TMPRSS9: variants seen among roughly 807,000 people sequenced by gnomAD.
TMPRSS9 encodes transmembrane serine protease 9.
Under a neutral mutation model 111.4 loss-of-function variants are expected in TMPRSS9, and 113 were observed. The observed-to-expected ratio is 1.01, with a 90% confidence interval of 0.87 to 1.19. The LOEUF (loss-of-function observed/expected upper bound fraction) is 1.19, where lower values mean the gene tolerates loss of function less well. Ranked by LOEUF, TMPRSS9 falls within the 50% of genes most tolerant of loss-of-function variation. TMPRSS9 has a pLI of 0.00. For synonymous variants in TMPRSS9, 805 were observed against 659.1 expected (o/e 1.22, Z -3.39); for missense variants, 1,803 against 1,513.1 (o/e 1.19, Z -3.18).
intron 4 of TMPRSS9, among the ~76,000 whole-genome samples, chr19:2,401,071 G>T (rs544205677): frequency 6.7e-6 from 1 of 150,130 alleles, no homozygotes; most frequent in East Asian, 2.0e-4. Context: ...TCAGGAGATC[G>T]AGACCATCCT....
intron 9 of TMPRSS9, 113 bp downstream of exon 10, chr19:2,410,507 A>C: frequency 7.1e-7 from 1 of 1,409,578 alleles, no homozygotes; most frequent in Non-Finnish European, 9.5e-7. Flanking sequence ...CCAACGCCCC[A>C]GACCCCAGAA....
At chr19:2,370,691 T>C (rs1424758980) in intron 1 of TMPRSS9, among the ~76,000 whole-genome samples, 1 of 151,842 alleles carries the variant, frequency 6.6e-6, no homozygotes, top group African/African-American at 2.4e-5. Flanking sequence ...CCAGGATGAA[T>C]CCAGCCTTCA....
At chr19:2,408,630 C>G in exon 8 of TMPRSS9, 2 of 1,607,706 alleles carry the variant, frequency 1.2e-6, no homozygotes, top group Non-Finnish European at 1.7e-6. Context: ...GGAGGACTTC[C>G]GTAAGCATCT....
intron 1 of TMPRSS9, among the ~76,000 whole-genome samples, chr19:2,362,229 C>A (rs780228483): frequency 1.3e-5 from 2 of 150,696 alleles, no homozygotes; most frequent in Non-Finnish European, 3.0e-5. Context: ...CGGGTGGGAT[C>A]GTATATGGTT....
At chr19:2,382,949 G>A (rs1323303763) in intron 1 of TMPRSS9, among the ~76,000 whole-genome samples, 1 of 152,208 alleles carries the variant, frequency 6.6e-6, no homozygotes, top group Non-Finnish European at 1.5e-5. Flanking sequence ...GCTATCTGGA[G>A]GCAGATTTCC....
exon 14 of TMPRSS9, chr19:2,422,214 G>T: frequency 6.6e-7 from 1 of 1,520,106 alleles, no homozygotes; most frequent in Non-Finnish European, 8.8e-7. Context: ...ATTTCCAGAC[G>T]CCCCGGAGGC....
intron 7 of TMPRSS9, among the ~76,000 whole-genome samples, chr19:2,406,135 C>T (rs933366557): frequency 6.7e-5 from 10 of 150,308 alleles, no homozygotes; most frequent in Admixed American, 3.3e-4. Flanking sequence ...CTCAGCCTCC[C>T]GAGTAGCTGG....
chr19:2,364,188 A>G (rs1467310004), intron 1 of TMPRSS9, among the ~76,000 whole-genome samples: 3 of 144,688 alleles, frequency 2.1e-5, no homozygotes, highest in Non-Finnish European at 4.5e-5. Context: ...TCTCAAATAA[A>G]TAAGTGAATG....
At chr19:2,384,242 G>A (rs1258925198) in intron 1 of TMPRSS9, among the ~76,000 whole-genome samples, 1 of 152,192 alleles carries the variant, frequency 6.6e-6, no homozygotes, top group East Asian at 1.9e-4. Flanking sequence ...GAGCTGAGGC[G>A]GAGGGGAGGC....
chr19:2,399,213 C>G lies in TMPRSS9; in HGVS notation c.514+20C>G. The stretch of plus-strand genomic sequence containing the variant: ...TCACAGGTGAGTGGGCAGCCGAGAC[C>G]GAAACCCCATCACGAGGAGGCTGGA... On this transcript the variant is annotated intron_variant, in intron 4 of 17. Transcript: ENST00000648592. The G allele has an allele frequency of 1.9e-6, 3 of 1,560,594 alleles. No individual in the cohort carries two copies. Among genetic ancestry groups the G allele is most frequent in the Admixed American group, 3.8e-5 (2 of 52,336 alleles).
chr19:2,376,585 G>C lies in TMPRSS9; in HGVS notation c.-25-13176G>C, dbSNP rs1865123. On this transcript the variant is annotated intron_variant, in intron 1 of 17. Transcript: ENST00000649857. ...AGCGATTCTTCTGCCTCAGCCTCTC[G>C]AGTAGCTGGGATTACAGGCATGTGC... Among the ~76,000 whole-genome samples, 605 of 151,882 alleles carry C rather than the reference G, an allele frequency of 4.0e-3. 4 individuals carry two copies. The highest frequency in any genetic ancestry group is 0.014 in the African/African-American group (575 of 41,412).
At chr19:2,419,938 CAGTCGAGGCCAGGATT>C (rs1478771507) in intron 13 of TMPRSS9, among the ~76,000 whole-genome samples, 6 of 152,102 alleles carry the variant, frequency 3.9e-5, no homozygotes, top group Admixed American at 2.6e-4. Flanking sequence ...GAGGTAGGAT[CAGTCGAGGCCAGGATT>C]GCAAGACCAG....
At chr19:2,415,138 T>C (rs1418778151) in intron 10 of TMPRSS9, among the ~76,000 whole-genome samples, 2 of 151,866 alleles carry the variant, frequency 1.3e-5, no homozygotes, top group Middle Eastern at 3.4e-3. Flanking sequence ...AGAGTTGGGG[T>C]TTCGCCATGT....
At chr19:2,414,085 CGTCATA>C in intron 10 of TMPRSS9, 67 bp downstream of exon 11, 1 of 1,414,046 alleles carries the variant, frequency 7.1e-7, no homozygotes. Flanking sequence ...GAACGGATAT[CGTCATA>C]GTATCTTCAT....
exon 4 of TMPRSS9, chr19:2,399,045 T>C: frequency 2.5e-6 from 4 of 1,612,918 alleles, no homozygotes; most frequent in Non-Finnish European, 3.4e-6. Context: ...TCCTCGTACA[T>C]TTCCAGCTGC....
At chr19:2,389,410 C>A (rs1811511373), upstream of TMPRSS9, among the ~76,000 whole-genome samples, 2 of 123,852 alleles carry the variant, frequency 1.6e-5, no homozygotes, top group Admixed American at 1.7e-4. Flanking sequence ...CGCTCTGTCA[C>A]CCGGGCTGGA....
At chr19:2,424,292 C>T (rs985635935) in intron 15 of TMPRSS9, 35 bp downstream of exon 16, 1 of 1,319,962 alleles carries the variant, frequency 7.6e-7, no homozygotes, top group Admixed American at 3.1e-5. Flanking sequence ...CCCTACATGT[C>T]TCTGTAGCTC....
At chr19:2,420,140 C>T (rs543521529) in intron 13 of TMPRSS9, among the ~76,000 whole-genome samples, 19 of 150,184 alleles carry the variant, frequency 1.3e-4, no homozygotes, top group Non-Finnish European at 1.8e-4. Context: ...CCATCCTGGG[C>T]GACACAGCAA....
At chr19:2,362,671 CTA>C (rs1029671069) in intron 1 of TMPRSS9, among the ~76,000 whole-genome samples, 2 of 152,046 alleles carry the variant, frequency 1.3e-5, no homozygotes, top group East Asian at 1.9e-4. Flanking sequence ...CAGTGTATGA[CTA>C]TATGTGTGAA....
Sources: allele counts gnomAD v4.1 joint callset (sites outside exome capture counted in the v4.1 genomes callset), GRCh38; gene constraint gnomAD v4.1.1; transcripts MANE v1.5; gene names NCBI Gene and HGNC (gene_info 2026-07-23, HGNC 2026-07-21).